Variants in COL6A6 observed in about 807,000 individuals in gnomAD.
COL6A6 encodes the protein collagen type VI alpha 6 chain, also known as collagen alpha-6(VI) chain.
COL6A6 carries 183 observed loss-of-function variants against 208.6 expected under a neutral mutation model. That is an observed-to-expected ratio of 0.88 (90% CI 0.78 to 0.99). The LOEUF (loss-of-function observed/expected upper bound fraction) is 0.99, where lower values mean the gene tolerates loss of function less well. Among genes scored for constraint, COL6A6 ranks in the 50% least tolerant of loss-of-function variants. The pLI is 0.00. For missense variants in COL6A6, 2,816 were observed against 2,815.2 expected (o/e 1.00, Z -0.01); for synonymous variants, 973 against 1,011.8 (o/e 0.96, Z 0.73).
At chr3:130,517,047 T>C (rs560590055), upstream of COL6A6, among the ~76,000 whole-genome samples, 31 of 152,296 alleles carry the variant, frequency 2.0e-4, no homozygotes, top group Non-Finnish European at 3.8e-4. Context: ...CCAGTCCCGC[T>C]TCCGTCACCT....
At chr3:130,664,297 C>T (rs1245131462) in intron 35 of COL6A6, among the ~76,000 whole-genome samples, 1 of 152,230 alleles carries the variant, frequency 6.6e-6, no homozygotes, top group Admixed American at 6.5e-5. Context: ...CCAGAGCACA[C>T]AGTCTTACTT....
chr3:130,520,194 C>A (rs1040215119), intron 1 of COL6A6, among the ~76,000 whole-genome samples: 1 of 152,182 alleles, frequency 6.6e-6, no homozygotes, highest in Non-Finnish European at 1.5e-5. Context: ...ATTTCTTTAG[C>A]TAATGCTTTT....
At chr3:130,612,214 T>G (rs1960968) in intron 23 of COL6A6, among the ~76,000 whole-genome samples, 55,110 of 152,094 alleles carry the variant, frequency 0.36, 13,274 homozygotes, top group African/African-American at 0.66. Context: ...TCCATGTCTT[T>G]GCTATTGTGA....
intron 33 of COL6A6, among the ~76,000 whole-genome samples, chr3:130,653,166 T>A (rs777758873): frequency 7.9e-5 from 12 of 152,226 alleles, no homozygotes; most frequent in Non-Finnish European, 1.8e-4. Flanking sequence ...TCTGATAAAA[T>A]TTGACGTGCT....
chr3:130,581,790 A>C lies in COL6A6; in HGVS notation c.3777A>C (p.Glu1259Asp). The change falls in exon 9 of 37, where the codon GAA becomes GAC. Residue 1259 changes from glutamate (E) to aspartate (D), a missense_variant. Transcript: ENST00000358511. ...CTCCCAAGTTTGAGATCTACAGTGA[A>C]AACATACTGAATAGCTTGAAGGATA... is the stretch of plus-strand genomic sequence containing the variant. Reference protein sequence around the residue: ...KYSPKFEIYSENILNSLKDIT... With the variant: ...KYSPKFEIYSDNILNSLKDIT... 1 of 1,613,720 alleles carries C rather than the reference A, an allele frequency of 6.2e-7. No homozygotes were observed.
Position 130,568,461 on chromosome 3 carries a change from A to G in COL6A6, c.2258A>G (p.Tyr753Cys), listed in dbSNP as rs1204079300. Residue 753 changes from tyrosine (Y) to cysteine (C), a missense_variant, in exon 6 of 37, where the codon TAT becomes TGT. By Grantham distance (194) the Tyr-to-Cys change is radical. Coordinates refer to ENST00000358511, the MANE Select transcript of COL6A6 (RefSeq NM_001102608.3). ...CTTCGGCAAGAAGGTGTAATCATCT[A>G]TTCTGTGGGAGTGTTTGGCTCCAAT... ...VVLRQEGVII[Y>C]SVGVFGSNVT... 1 of 1,613,942 alleles carries G rather than the reference A, an allele frequency of 6.2e-7. No individual in the cohort carries two copies. The highest frequency in any genetic ancestry group is 8.5e-7 in the Non-Finnish European group (1 of 1,179,886).
At chr3:130,645,267 C>A (rs1331922806) in intron 32 of COL6A6, among the ~76,000 whole-genome samples, 1 of 152,082 alleles carries the variant, frequency 6.6e-6, no homozygotes, top group Non-Finnish European at 1.5e-5. Context: ...TGACTAACAT[C>A]ACCATTCACC....
intron 28 of COL6A6, among the ~76,000 whole-genome samples, chr3:130,639,689 CAAA>C (rs57615059): frequency 1.8e-4 from 17 of 94,610 alleles, no homozygotes; most frequent in Non-Finnish European, 2.1e-4. Context: ...GATCCTGTCT[CAAA>C]AAAAAAAAAA....
intron 20 of COL6A6, among the ~76,000 whole-genome samples, chr3:130,601,744 A>G (rs2064026321): frequency 2.0e-5 from 3 of 152,360 alleles, no homozygotes; most frequent in Middle Eastern, 3.4e-3. Context: ...CTGTTTTCAC[A>G]CTATTCCTCT....
At chr3:130,528,423 A>G (rs1180579414) in intron 1 of COL6A6, among the ~76,000 whole-genome samples, 1 of 152,248 alleles carries the variant, frequency 6.6e-6, no homozygotes, top group East Asian at 1.9e-4. Context: ...CTCTTTAAGT[A>G]GCAATGGAAT....
intron 10 of COL6A6, among the ~76,000 whole-genome samples, chr3:130,582,370 T>C (rs1292154718): frequency 6.6e-6 from 1 of 152,140 alleles, no homozygotes; most frequent in Non-Finnish European, 1.5e-5. Flanking sequence ...TCGCCCCACA[T>C]TGTCTAATAT....
intron 8 of COL6A6, among the ~76,000 whole-genome samples, chr3:130,575,212 C>T (rs1440618253): frequency 6.6e-6 from 1 of 152,082 alleles, no homozygotes; most frequent in Non-Finnish European, 1.5e-5. Flanking sequence ...ACAGCAGATC[C>T]CTGCTCTATG....
chr3:130,586,473 C>T, intron 10 of COL6A6, 33 bp from the exon 11 acceptor site: 2 of 1,569,120 alleles, frequency 1.3e-6, no homozygotes, highest in Non-Finnish European at 1.7e-6. Flanking sequence ...CCAAACCCAC[C>T]TCACCTGGAA....
intron 18 of COL6A6, 113 bp from the exon 19 acceptor site, chr3:130,598,252 A>G: frequency 1.5e-6 from 1 of 662,292 alleles, no homozygotes; most frequent in Non-Finnish European, 2.6e-6. Context: ...TCTGCTTTCA[A>G]ATGGGTTGGA....
chr3:130,627,267 C>T (rs911950458), intron 25 of COL6A6, 52 bp from the exon 26 acceptor site: 7 of 1,533,616 alleles, frequency 4.6e-6, no homozygotes, highest in Non-Finnish European at 6.3e-6. Flanking sequence ...GAAGAATAAG[C>T]CTGTCTCTAT....
chr3:130,585,103 A>G (rs574655406), intron 10 of COL6A6, among the ~76,000 whole-genome samples: 6 of 152,330 alleles, frequency 3.9e-5, no homozygotes, highest in East Asian at 3.9e-4. Flanking sequence ...ACATTTATCT[A>G]TTCTGGTTCA....
intron 1 of COL6A6, among the ~76,000 whole-genome samples, chr3:130,535,261 A>G (rs892613823): frequency 6.6e-6 from 1 of 152,160 alleles, no homozygotes; most frequent in African/African-American, 2.4e-5. Context: ...AATGTTCTAT[A>G]TAAAACACAA....
At chr3:130,628,556 A>T (rs1206425005) in intron 26 of COL6A6, among the ~76,000 whole-genome samples, 1 of 152,152 alleles carries the variant, frequency 6.6e-6, no homozygotes. Flanking sequence ...TAATCAGGAA[A>T]TGAGCTTTAT....
intron 8 of COL6A6, among the ~76,000 whole-genome samples, chr3:130,576,690 A>G (rs560649631): frequency 6.6e-6 from 1 of 152,120 alleles, no homozygotes. Context: ...AAAATACTCT[A>G]TATTAAGATA....
Sources: allele counts gnomAD v4.1 joint callset (sites outside exome capture counted in the v4.1 genomes callset), GRCh38; gene constraint gnomAD v4.1.1; transcripts MANE v1.5; gene names NCBI Gene and HGNC (gene_info 2026-07-23, HGNC 2026-07-21).